The following ADAMTSL3 variants were observed in gnomAD, a reference collection of about 807,000 sequenced individuals.
ADAMTSL3 encodes ADAMTS-like protein 3.
ADAMTSL3 carries 128 observed loss-of-function variants against 201.7 expected under a neutral mutation model. That is an observed-to-expected ratio of 0.63 (90% CI 0.55 to 0.73). ADAMTSL3 has a LOEUF of 0.73. Ranked by LOEUF, ADAMTSL3 falls within the 30% of genes least tolerant of loss-of-function variation. The pLI is 0.00. For missense variants in ADAMTSL3, 1,990 were observed against 2,119.6 expected (o/e 0.94, Z 1.20); for synonymous variants, 738 against 748.4 (o/e 0.99, Z 0.23).
At chr15:83,757,430 G>T (rs1169801283) in intron 3 of ADAMTSL3, among the ~76,000 whole-genome samples, 1 of 151,792 alleles carries the variant, frequency 6.6e-6, no homozygotes, top group Non-Finnish European at 1.5e-5. Context: ...TTAGCTGAGT[G>T]GCTGAGTGGC....
chr15:83,971,826 A>G (rs2067202040), intron 20 of ADAMTSL3, among the ~76,000 whole-genome samples: 1 of 149,656 alleles, frequency 6.7e-6, no homozygotes, highest in African/African-American at 2.4e-5. Context: ...AAGGAAAAAA[A>G]TTAAAAATGA....
At chr15:83,746,813 A>G (rs2062555057) in intron 3 of ADAMTSL3, among the ~76,000 whole-genome samples, 1 of 152,160 alleles carries the variant, frequency 6.6e-6, no homozygotes, top group Admixed American at 6.5e-5. Flanking sequence ...GCAGTGAGCC[A>G]TGATTGTACC....
chr15:84,021,153 C>T (rs2068198216), intron 25 of ADAMTSL3, among the ~76,000 whole-genome samples: 1 of 152,188 alleles, frequency 6.6e-6, no homozygotes, highest in Admixed American at 6.5e-5. Context: ...CTGGCAGACC[C>T]AGCTGGCCGA....
intron 3 of ADAMTSL3, among the ~76,000 whole-genome samples, chr15:83,728,192 G>T (rs2062209301): frequency 6.6e-6 from 1 of 151,050 alleles, no homozygotes; most frequent in Non-Finnish European, 1.5e-5. Context: ...CTCTTTCTTG[G>T]TTTCCATTGA....
At chr15:83,823,238 G>C (rs1288274011) in intron 6 of ADAMTSL3, among the ~76,000 whole-genome samples, 1 of 148,946 alleles carries the variant, frequency 6.7e-6, no homozygotes, top group Non-Finnish European at 1.5e-5. Flanking sequence ...GGGAGAGGGA[G>C]AGCTGAAAAA....
chr15:83,901,988 G>T (rs1269667817), intron 15 of ADAMTSL3, among the ~76,000 whole-genome samples: 1 of 152,174 alleles, frequency 6.6e-6, no homozygotes, highest in African/African-American at 2.4e-5. Context: ...TAGGGTTGCA[G>T]TCCGTCCAGT....
intron 23 of ADAMTSL3, among the ~76,000 whole-genome samples, chr15:84,010,057 C>T (rs889777874): frequency 6.6e-6 from 1 of 152,134 alleles, no homozygotes; most frequent in African/African-American, 2.4e-5. Context: ...AATAAACATC[C>T]CTGAATTGTA....
intron 17 of ADAMTSL3, among the ~76,000 whole-genome samples, chr15:83,935,902 C>A (rs1232380639): frequency 6.6e-6 from 1 of 151,918 alleles, no homozygotes; most frequent in African/African-American, 2.4e-5. Flanking sequence ...CTTGGCACAT[C>A]ATAGGTAATC....
intron 6 of ADAMTSL3, among the ~76,000 whole-genome samples, chr15:83,826,081 A>G (rs776778213): frequency 5.9e-5 from 9 of 152,162 alleles, no homozygotes; most frequent in Non-Finnish European, 1.3e-4. Flanking sequence ...AGGATGAATT[A>G]AATGGAGACA....
chr15:83,695,822 A>T (rs951451843), intron 2 of ADAMTSL3, among the ~76,000 whole-genome samples: 1 of 152,174 alleles, frequency 6.6e-6, no homozygotes, highest in African/African-American at 2.4e-5. Context: ...GAAAAGTCTC[A>T]TAATGACCGC....
At chr15:83,976,759 G>T (rs548206137) in intron 20 of ADAMTSL3, among the ~76,000 whole-genome samples, 22 of 152,266 alleles carry the variant, frequency 1.4e-4, no homozygotes, top group Non-Finnish European at 2.5e-4. Flanking sequence ...ATGGGGAACG[G>T]CTGTAAATAC....
At chr15:83,804,791 A>T in intron 5 of ADAMTSL3, 96 bp downstream of exon 5, 1 of 903,676 alleles carries the variant, frequency 1.1e-6, no homozygotes, top group Non-Finnish European at 1.6e-6. Flanking sequence ...TGGTCTCTTA[A>T]TACCCTTTGT....
Position 83,661,790 on chromosome 15 carries a change from G to A in ADAMTSL3, c.69+5960G>A, listed in dbSNP as rs1032743662. 1.6e-4 allele frequency among the ~76,000 whole-genome samples: 24 copies of A among 150,508 alleles called. 1 individual carries two copies. The highest frequency in any genetic ancestry group is 6.7e-5 in the Admixed American group (1 of 15,016). The stretch of plus-strand genomic sequence containing the variant: ...CATGAACAGAAACTTCTCAAAAGAA[G>A]ACATTTATGCAGCCAAAAAACACAT... On this transcript the variant is annotated intron_variant, in intron 2 of 29. Transcript: ENST00000286744.
intron 16 of ADAMTSL3, among the ~76,000 whole-genome samples, chr15:83,923,554 T>C (rs2066186941): frequency 6.6e-6 from 1 of 152,192 alleles, no homozygotes; most frequent in African/African-American, 2.4e-5. Flanking sequence ...AAGGAACACC[T>C]TGATGGCTTA....
chr15:83,885,678 A>G (rs1427517626), intron 10 of ADAMTSL3, among the ~76,000 whole-genome samples: 2 of 151,784 alleles, frequency 1.3e-5, no homozygotes, highest in Non-Finnish European at 2.9e-5. Context: ...AAAAAGAGAA[A>G]GGGTCCCTAC....
chr15:83,935,034 G>C (rs1302620268), intron 17 of ADAMTSL3, among the ~76,000 whole-genome samples: 5 of 152,168 alleles, frequency 3.3e-5, no homozygotes, highest in Non-Finnish European at 7.3e-5. Context: ...AGAATTTGGA[G>C]ACTCAGACAG....
intron 7 of ADAMTSL3, among the ~76,000 whole-genome samples, chr15:83,854,466 G>A (rs1171999194): frequency 6.6e-6 from 1 of 152,190 alleles, no homozygotes. Context: ...GATTTATGTT[G>A]CATCATATCA....
At chr15:83,829,817 T>G (rs1284840504) in intron 6 of ADAMTSL3, among the ~76,000 whole-genome samples, 2 of 152,242 alleles carry the variant, frequency 1.3e-5, no homozygotes, top group Non-Finnish European at 1.5e-5. Flanking sequence ...GTTGTTCAGT[T>G]TCCATGTAGT....
In ADAMTSL3 at chr15:84,031,402, G is replaced by A; in HGVS notation, c.4724G>A (p.Ser1575Asn). 1 of 1,614,114 alleles carries A rather than the reference G, an allele frequency of 6.2e-7. No homozygotes were observed. Among genetic ancestry groups the A allele is most frequent in the South Asian group, 1.1e-5 (1 of 91,088 alleles). Residue 1575 changes from serine to asparagine, a missense_variant, in exon 28 of 30, where the codon AGC (serine) becomes AAC (asparagine). Physicochemically the swap from Ser to Asn is conservative, Grantham distance 46. Transcript: ENST00000286744. ...CGTCACACAGCTTGTCAACACAACA[G>A]CTCTGACTCCAACTGTGATGACAGA... The part of the protein sequence containing the change: ...QQRHTACQHN[S>N]SDSNCDDRKR...
Sources: gnomAD v4.1 joint callset for allele counts (sites outside exome capture counted in the v4.1 genomes callset) on GRCh38, gnomAD v4.1.1 for gene constraint, MANE v1.5 for transcripts, NCBI Gene and HGNC (gene_info 2026-07-23, HGNC 2026-07-21) for gene names.